Variants in GPR158 observed in about 807,000 individuals in gnomAD.
GPR158 encodes G protein-coupled receptor 158.
A neutral mutation model predicts 78.2 loss-of-function variants in GPR158; 30 were observed. The observed-to-expected ratio is 0.38, with a 90% CI of 0.29 to 0.52. The LOEUF (loss-of-function observed/expected upper bound fraction) is 0.52. GPR158 is among the 20% of genes least tolerant of loss of function. The pLI is 0.83. For missense variants in GPR158, 1,463 were observed against 1,523.5 expected (o/e 0.96, Z 0.66); for synonymous variants, 581 against 591.1 (o/e 0.98, Z 0.25).
chr10:25,338,562 T>TTA (rs374659521), intron 2 of GPR158, among the ~76,000 whole-genome samples: 14 of 50,750 alleles, frequency 2.8e-4, no homozygotes, highest in South Asian at 8.1e-4. Flanking sequence ...ATAATACGTA[T>TTA]TGTATATTAT....
At chr10:25,360,030 T>C (rs1419559581) in intron 2 of GPR158, among the ~76,000 whole-genome samples, 9 of 152,206 alleles carry the variant, frequency 5.9e-5, no homozygotes, top group African/African-American at 1.7e-4. Context: ...GAGATTTTTT[T>C]CATGTTTGTT....
At chr10:25,390,808 C>T (rs539002799) in intron 2 of GPR158, among the ~76,000 whole-genome samples, 89 of 152,312 alleles carry the variant, frequency 5.8e-4, no homozygotes, top group African/African-American at 2.1e-3. Context: ...CAGAAATTTG[C>T]TTAATCACCA....
At chr10:25,453,685 T>A (rs1835253580) in intron 4 of GPR158, among the ~76,000 whole-genome samples, 1 of 152,210 alleles carries the variant, frequency 6.6e-6, no homozygotes, top group Non-Finnish European at 1.5e-5. Flanking sequence ...CTGAAGAGAC[T>A]GTTCATTTTC....
intron 3 of GPR158, among the ~76,000 whole-genome samples, chr10:25,403,668 C>T (rs1834474460): frequency 6.6e-6 from 1 of 151,952 alleles, no homozygotes; most frequent in South Asian, 2.1e-4. Flanking sequence ...CAGATTTGCC[C>T]ATAGGTGCCA....
chr10:25,376,431 T>C (rs1625064), intron 2 of GPR158, among the ~76,000 whole-genome samples: 59,053 of 151,430 alleles, frequency 0.39, 12,822 homozygotes, highest in Middle Eastern at 0.51. Context: ...CTAATTATCT[T>C]TCCTCTTTGA....
intron 7 of GPR158, among the ~76,000 whole-genome samples, chr10:25,573,116 CAAAT>C (rs1417261907): frequency 6.6e-5 from 10 of 152,122 alleles, no homozygotes; most frequent in African/African-American, 4.8e-5. Flanking sequence ...AAAATGTAAT[CAAAT>C]AAATCAGAAA....
At chr10:25,298,556 T>G (rs2130772224) in intron 2 of GPR158, among the ~76,000 whole-genome samples, 1 of 152,326 alleles carries the variant, frequency 6.6e-6, no homozygotes, top group East Asian at 1.9e-4. Flanking sequence ...CTTAAGCAGC[T>G]TAAGGCACAT....
intron 2 of GPR158, among the ~76,000 whole-genome samples, chr10:25,348,782 T>C (rs1588815026): frequency 6.6e-6 from 1 of 152,016 alleles, no homozygotes; most frequent in South Asian, 2.1e-4. Flanking sequence ...GAAACTAGTA[T>C]GTGGCATGTG....
At chr10:25,452,078 C>G (rs1172470077) in intron 4 of GPR158, among the ~76,000 whole-genome samples, 1 of 151,954 alleles carries the variant, frequency 6.6e-6, no homozygotes, top group Admixed American at 6.6e-5. Flanking sequence ...TGCTCTGTCA[C>G]CCAGGTTGAA....
intron 2 of GPR158, among the ~76,000 whole-genome samples, chr10:25,341,524 G>A (rs146699821): frequency 6.6e-6 from 1 of 151,632 alleles, no homozygotes; most frequent in East Asian, 1.9e-4. Context: ...AATAAATAAT[G>A]GATCCAAAAA....
chr10:25,361,164 C>A (rs1475780893), intron 2 of GPR158, among the ~76,000 whole-genome samples: 1 of 151,874 alleles, frequency 6.6e-6, no homozygotes, highest in East Asian at 1.9e-4. Flanking sequence ...TTAGGTACCA[C>A]AAATAAATAG....
chr10:25,305,574 T>A (rs149293680), intron 2 of GPR158, among the ~76,000 whole-genome samples: 420 of 152,260 alleles, frequency 2.8e-3, no homozygotes, highest in African/African-American at 9.2e-3. Context: ...GTGAAGGAGA[T>A]GCCTGTGTTG....
At chr10:25,584,951 ACAAAC>A (rs1350110000) in intron 7 of GPR158, among the ~76,000 whole-genome samples, 1 of 151,816 alleles carries the variant, frequency 6.6e-6, no homozygotes, top group African/African-American at 2.4e-5. Context: ...AATTTAAAAA[ACAAAC>A]AAAACAAAAC....
chr10:25,397,380 T>C lies in GPR158; in HGVS notation c.1111+1367T>C, dbSNP rs1046421159. Among the ~76,000 whole-genome samples, 3 of 152,158 alleles carry C rather than the reference T, an allele frequency of 2.0e-5. No individual in the cohort carries two copies. In the East Asian group the frequency reaches 5.8e-4, roughly 29 times the overall value. On this transcript the variant is annotated intron_variant, in intron 3 of 10. Transcript: ENST00000376351. Reference sequence around the variant, plus strand: ...TGTAGTGGTAACAGGGGTGGTTTCATGGAAAGTTAGGGTTTGGGAGTTGCT... The same window carrying C: ...TGTAGTGGTAACAGGGGTGGTTTCACGGAAAGTTAGGGTTTGGGAGTTGCT...
chr10:25,281,055 A>C (rs1217828643), intron 2 of GPR158, among the ~76,000 whole-genome samples: 2 of 151,714 alleles, frequency 1.3e-5, no homozygotes, highest in East Asian at 3.9e-4. Flanking sequence ...GAATCGCTTG[A>C]ACCTTGGAGG....
At chr10:25,286,974 C>A (rs1346842011) in intron 2 of GPR158, among the ~76,000 whole-genome samples, 2 of 152,154 alleles carry the variant, frequency 1.3e-5, no homozygotes, top group Non-Finnish European at 2.9e-5. Context: ...AATCTCCCTG[C>A]AGTATACCAT....
chr10:25,354,181 C>T (rs1243833190), intron 2 of GPR158, among the ~76,000 whole-genome samples: 1 of 151,874 alleles, frequency 6.6e-6, no homozygotes, highest in Non-Finnish European at 1.5e-5. Context: ...TGGTGAAACA[C>T]ACTCTCTACT....
chr10:25,190,025 G>A (rs1852752523), intron 1 of GPR158, among the ~76,000 whole-genome samples: 2 of 151,904 alleles, frequency 1.3e-5, no homozygotes, highest in African/African-American at 4.8e-5. Flanking sequence ...TTTACATGAA[G>A]CTCCATTTAC....
At chr10:25,413,798 A>G (rs567592895) in intron 4 of GPR158, among the ~76,000 whole-genome samples, 11 of 152,238 alleles carry the variant, frequency 7.2e-5, no homozygotes, top group Admixed American at 1.3e-4. Context: ...GGACAGTTTC[A>G]TTAGCAGAAG....
Sources: gnomAD v4.1 joint callset for allele counts (sites outside exome capture counted in the v4.1 genomes callset) on GRCh38, gnomAD v4.1.1 for gene constraint, MANE v1.5 for transcripts, NCBI Gene and HGNC (gene_info 2026-07-23, HGNC 2026-07-21) for gene names.